Variants in DGCR8 observed in about 807,000 individuals in gnomAD.
DGCR8 encodes DGCR8 microprocessor complex subunit.
In DGCR8, 14 loss-of-function variants were observed where a neutral mutation model predicts 78.5. The observed-to-expected ratio is 0.18, with a 90% confidence interval of 0.12 to 0.28. DGCR8 has a LOEUF of 0.28. Ranked by LOEUF, DGCR8 falls within the 10% of genes least tolerant of loss-of-function variation. The pLI is 1.00. For missense variants in DGCR8, 702 were observed against 1,022.5 expected (o/e 0.69, Z 4.28); for synonymous variants, 399 against 402.4 (o/e 0.99, Z 0.10).
chr22:20,086,261 C>T lies in DGCR8; in HGVS notation c.298C>T (p.Arg100Trp), dbSNP rs1056127835. The T allele has an allele frequency of 8.1e-6, 13 of 1,614,056 alleles. No individual in the cohort carries two copies. Among genetic ancestry groups the T allele is most frequent in the African/African-American group, 2.7e-5 (2 of 74,938 alleles). Residue 100 changes from arginine (R) to tryptophan (W), a missense_variant, in exon 2 of 14, where the codon CGG (arginine) becomes TGG (tryptophan). Around this residue, in one of 4 missense-constraint regions of DGCR8, gnomAD observed 356 missense variants for 448.9 expected, o/e 0.79. Transcript: ENST00000351989. This position sits in a 1 kb window ranked among gnomAD's most constrained non-coding sequence, Gnocchi z 6.4. ...TAGTGGCCACAGCCCGCGCACCGCCCGGCACGCACCTGCGGTCCGGAAGTT... is the reference window on the plus strand; with the variant it reads ...TAGTGGCCACAGCCCGCGCACCGCCTGGCACGCACCTGCGGTCCGGAAGTT... ...NCSGHSPRTA[R>W]HAPAVRKFSP...
At chr22:20,104,983 C>T (rs2049752785) in intron 9 of DGCR8, among the ~76,000 whole-genome samples, 1 of 152,222 alleles carries the variant, frequency 6.6e-6, no homozygotes, top group African/African-American at 2.4e-5. Flanking sequence ...ATGGGCCAGG[C>T]AGGCTCCAGG....
At chr22:20,109,116 G>T (rs2049805076) in intron 13 of DGCR8, 113 bp downstream of exon 13, 1 of 639,198 alleles carries the variant, frequency 1.6e-6, no homozygotes, top group Admixed American at 2.5e-5. Flanking sequence ...GAAATGCTTG[G>T]ATCCTCCTTC....
Position 20,107,479 on chromosome 22 carries a change from G to T in DGCR8, c.2124+81G>T, listed in dbSNP as rs1340333122. On this transcript the variant is annotated intron_variant, in intron 12 of 13. Transcript: ENST00000351989. ...TCCTGAGGCTCTGTGCTCAGAGGGGGCAGAGCTGGGCAGCTCTGCTGTTGC... is the reference window on the plus strand; with the variant it reads ...TCCTGAGGCTCTGTGCTCAGAGGGGTCAGAGCTGGGCAGCTCTGCTGTTGC... The T allele has an allele frequency of 1.0e-5, 16 of 1,540,142 alleles. No individual in the cohort carries two copies. In the East Asian group the frequency reaches 3.4e-4, roughly 33 times the overall value.
chr22:20,095,339 C>T (rs1807527), intron 9 of DGCR8, among the ~76,000 whole-genome samples: 6,314 of 152,208 alleles, frequency 0.041, 181 homozygotes, highest in South Asian at 0.095. Context: ...CTCCTGACCT[C>T]GGGTGATCCA....
chr22:20,095,529 C>T (rs1227361906), intron 9 of DGCR8, among the ~76,000 whole-genome samples: 1 of 152,170 alleles, frequency 6.6e-6, no homozygotes, highest in East Asian at 1.9e-4. Context: ...TTACTGGTAA[C>T]CTACTCTTGA....
At chr22:20,109,280 C>A (rs1360783228) in intron 13 of DGCR8, 3 of 367,478 alleles carry the variant, frequency 8.2e-6, no homozygotes, top group South Asian at 7.0e-5. Context: ...GTCCCATGTC[C>A]TCCCTGGGTG....
intron 9 of DGCR8, among the ~76,000 whole-genome samples, chr22:20,103,554 A>C (rs1302835215): frequency 6.6e-6 from 1 of 152,050 alleles, no homozygotes; most frequent in Non-Finnish European, 1.5e-5. Context: ...GATAAGTCCT[A>C]CTTGGGCATG....
At chr22:20,108,577 A>T in intron 12 of DGCR8, 1 of 287,280 alleles carries the variant, frequency 3.5e-6, no homozygotes, top group Non-Finnish European at 6.9e-6. Flanking sequence ...CTCCTTGATG[A>T]GGACTCTGGG....
intron 1 of DGCR8, among the ~76,000 whole-genome samples, chr22:20,083,883 G>C (rs937099281): frequency 2.6e-5 from 4 of 152,200 alleles, no homozygotes; most frequent in African/African-American, 9.7e-5. Context: ...ACAGCCTCTT[G>C]AGCGTCTTCA....
rs113366822 is a variant in DGCR8 at position 20,092,819 on chromosome 22, T to C, written c.1617T>C (p.Ser539=). The C allele has an allele frequency of 3.1e-6, 5 of 1,613,024 alleles. No homozygotes were observed. Among genetic ancestry groups the C allele is most frequent in the Non-Finnish European group, 4.2e-6 (5 of 1,179,444 alleles). The change falls in exon 8 of 14, where the codon AGT becomes AGC. Residue 539 remains serine (S), a synonymous_variant. Coordinates refer to ENST00000351989, the MANE Select transcript of DGCR8 (RefSeq NM_022720.7). ...VYNFFECENP[S]EPFGASVTID... ...AATTTTAATTTTAAGAGAACCCAAG[T>C]GAGCCTTTTGGTGCCTCGGTGACCA...
At chr22:20,108,785 C>G (rs1386705130) in intron 12 of DGCR8, 105 bp from the exon 13 acceptor site, 38 of 768,026 alleles carry the variant, frequency 4.9e-5, no homozygotes, top group Non-Finnish European at 8.7e-5. Flanking sequence ...CTGCCAGACC[C>G]TGGGCGCGCC....
intron 7 of DGCR8, 109 bp from the exon 8 acceptor site, chr22:20,092,700 C>A: frequency 2.2e-6 from 2 of 929,674 alleles, no homozygotes; most frequent in South Asian, 1.6e-5. Context: ...GGCCCACTCT[C>A]TGCAGGGACA....
At chr22:20,109,035 G>C in intron 13 of DGCR8, 32 bp downstream of exon 13, 1 of 1,189,192 alleles carries the variant, frequency 8.4e-7, no homozygotes, top group Non-Finnish European at 1.3e-6. Context: ...GGGCTGCCGG[G>C]CCACGGCCAT....
At chr22:20,095,216 C>T (rs937501574) in intron 9 of DGCR8, among the ~76,000 whole-genome samples, 2 of 152,124 alleles carry the variant, frequency 1.3e-5, no homozygotes, top group Non-Finnish European at 2.9e-5. Flanking sequence ...AGTGATTCTC[C>T]CACCTCAGCT....
chr22:20,091,671 T>G, intron 6 of DGCR8, 39 bp downstream of exon 6: 1 of 1,605,596 alleles, frequency 6.2e-7, no homozygotes, highest in Non-Finnish European at 8.5e-7. Flanking sequence ...AGACTGGTTA[T>G]GCTGTTATTT....
intron 13 of DGCR8, 71 bp from the exon 14 acceptor site, chr22:20,109,954 C>G: frequency 6.8e-7 from 1 of 1,470,824 alleles, no homozygotes; most frequent in Middle Eastern, 1.7e-4. Flanking sequence ...GGCTCTCCCT[C>G]CACCTTGTGT....
intron 9 of DGCR8, among the ~76,000 whole-genome samples, chr22:20,103,063 C>T (rs1005274925): frequency 6.6e-6 from 1 of 151,136 alleles, no homozygotes; most frequent in African/African-American, 2.4e-5. Context: ...ACCCAGGAGG[C>T]GGAAGGTGAG....
chr22:20,110,139 C>T lies in DGCR8; in HGVS notation c.*31C>T, dbSNP rs368530346. The T allele has an allele frequency of 2.4e-5, 39 of 1,595,972 alleles. No individual in the cohort carries two copies. Among genetic ancestry groups the T allele is most frequent in the East Asian group, 6.7e-5 (3 of 44,820 alleles). Reference sequence around the variant, plus strand: ...GTGGCACGGGCCAGGGCGCGGGGGCCGCCAGCCGCACTTCTGAGGAGACCA... The same window carrying T: ...GTGGCACGGGCCAGGGCGCGGGGGCTGCCAGCCGCACTTCTGAGGAGACCA... On this transcript the variant is annotated 3_prime_UTR_variant, in exon 14 of 14. Coordinates refer to ENST00000351989, the MANE Select transcript of DGCR8 (RefSeq NM_022720.7).
At chr22:20,084,114 G>A (rs566446361) in intron 1 of DGCR8, among the ~76,000 whole-genome samples, 1 of 152,194 alleles carries the variant, frequency 6.6e-6, no homozygotes, top group Non-Finnish European at 1.5e-5. Flanking sequence ...TGCGTTCCTC[G>A]GAGTAGATGG....
Sources: allele counts gnomAD v4.1 joint callset (sites outside exome capture counted in the v4.1 genomes callset), GRCh38; gene constraint gnomAD v4.1.1; regional missense constraint gnomAD v4.1.1; non-coding constraint Gnocchi (gnomAD v3.1); transcripts MANE v1.5; gene names NCBI Gene and HGNC (gene_info 2026-07-23, HGNC 2026-07-21).